Variants in ELMO2 observed in about 807,000 individuals in gnomAD.
ELMO2 encodes the protein engulfment and cell motility 2.
In ELMO2, 37 loss-of-function variants were observed where a neutral mutation model predicts 96.2. That is an observed-to-expected ratio of 0.38 (90% CI 0.30 to 0.51). The LOEUF is 0.51. ELMO2 is among the 20% of genes least tolerant of loss of function. The probability of loss-of-function intolerance (pLI) is 0.88; values close to 1 mark genes in which losing one functional copy is unlikely to be tolerated. For synonymous variants in ELMO2, 315 were observed against 329.4 expected (o/e 0.96, Z 0.47); for missense variants, 561 against 912.6 (o/e 0.61, Z 4.96).
At chr20:46,392,570 G>T (rs1242188023) in intron 6 of ELMO2, among the ~76,000 whole-genome samples, 3 of 152,076 alleles carry the variant, frequency 2.0e-5, no homozygotes, top group Non-Finnish European at 2.9e-5. Context: ...TTTCCTTCTG[G>T]ACAGAGTTGA....
At chr20:46,369,961 GGTGTGTGTGTGTGTGTGTGTGTGTGT>G (rs200632114) in intron 20 of ELMO2, 159 of 50,258 alleles carry the variant, frequency 3.2e-3, no homozygotes, top group African/African-American at 9.0e-3. Flanking sequence ...TGGGTATGGG[GGTGTGTGTGTGTGTGTGTGTGTGTGT>G]GTGTGTGTGT....
At chr20:46,379,750 T>C (rs890488910) in intron 11 of ELMO2, among the ~76,000 whole-genome samples, 10 of 152,150 alleles carry the variant, frequency 6.6e-5, no homozygotes. Flanking sequence ...GAAACACTCT[T>C]CTTCAAGGCA....
chr20:46,387,484 G>T (rs751918613), intron 7 of ELMO2, 47 bp from the exon 8 acceptor site: 2 of 1,505,852 alleles, frequency 1.3e-6, no homozygotes, highest in African/African-American at 2.7e-5. Context: ...GATTCAGATC[G>T]GGAAACACAG....
At chr20:46,388,018 A>G (rs1258123974) in intron 7 of ELMO2, among the ~76,000 whole-genome samples, 1 of 152,254 alleles carries the variant, frequency 6.6e-6, no homozygotes. Context: ...AAGGATTAAA[A>G]TGTTTTCTCT....
intron 3 of ELMO2, 69 bp from the exon 4 acceptor site, chr20:46,394,158 G>C: frequency 1.4e-6 from 2 of 1,429,156 alleles, no homozygotes; most frequent in Non-Finnish European, 9.8e-7. Flanking sequence ...CTGACAAGAG[G>C]CCTGCCAAGC....
At chr20:46,387,262 T>C (rs1227705929) in intron 8 of ELMO2, 76 bp downstream of exon 8, 22 of 1,273,516 alleles carry the variant, frequency 1.7e-5, no homozygotes, top group Non-Finnish European at 2.4e-5. Flanking sequence ...AATGGCGATA[T>C]TGCCTGTATC....
intron 1 of ELMO2, among the ~76,000 whole-genome samples, chr20:46,406,155 G>A (rs2060437456): frequency 6.6e-6 from 1 of 152,146 alleles, no homozygotes; most frequent in Non-Finnish European, 1.5e-5. Flanking sequence ...ACTCGTGCGG[G>A]CCCGCCCCGA....
chr20:46,371,007 G>A lies in ELMO2; in HGVS notation c.1801+345C>T, dbSNP rs934174178. Among the ~76,000 whole-genome samples, 3 of 152,222 alleles carry A rather than the reference G, an allele frequency of 2.0e-5. No individual in the cohort carries two copies. Among genetic ancestry groups the A allele is most frequent in the African/African-American group, 4.8e-5 (2 of 41,448 alleles). ...TTACAGGAGAAGAAACCAAGGCAGA[G>A]GGGAGAACTTGCAATTAATTAGAAT... On this transcript the variant is annotated intron_variant, in intron 19 of 21. Transcript: ENST00000290246. The surrounding 1 kb of genome is among the most constrained non-coding windows in gnomAD (Gnocchi z 5.9).
intron 8 of ELMO2, among the ~76,000 whole-genome samples, chr20:46,386,984 A>G (rs2060056174): frequency 6.6e-6 from 1 of 152,186 alleles, no homozygotes; most frequent in Non-Finnish European, 1.5e-5. Context: ...ATGAAATGCA[A>G]ATTTTTTTTA....
Position 46,390,459 on chromosome 20 carries a change from A to G in ELMO2, c.244-1239T>C, listed in dbSNP as rs1186948369. ...AACTTTAAGAACATCAAGGAGCCAG[A>G]AACAATTTCCCAATTGTTTTTTGAA... On this transcript the variant is annotated intron_variant, in intron 6 of 21. Transcript: ENST00000290246. Among the ~76,000 whole-genome samples, 5 of 152,336 alleles carry G rather than the reference A, an allele frequency of 3.3e-5. No homozygotes were observed. The East Asian group carries it at 9.7e-4, about 29-fold the overall frequency.
chr20:46,393,688 G>A lies in ELMO2; in HGVS notation c.120-87C>T, dbSNP rs534746148. On this transcript the variant is annotated intron_variant, in intron 4 of 21. Coordinates refer to ENST00000290246, the MANE Select transcript of ELMO2 (RefSeq NM_133171.5). ...AGTAATTTTCAAAAGAGTTGCTCAA[G>A]GGATTGGGTGGCCTATTTGGAATAC... The A allele has an allele frequency of 3.6e-5, 51 of 1,405,226 alleles. No homozygotes were observed. In the East Asian group the frequency reaches 1.1e-3, roughly 31 times the overall value. 87.0% of individuals were successfully genotyped at this position (1,405,226 alleles called of 1,614,324 possible). A position where few individuals can be genotyped will look rare whatever the true frequency, so the allele number is the denominator to read the frequency against.
At chr20:46,390,254 G>A (rs568442696) in intron 6 of ELMO2, among the ~76,000 whole-genome samples, 174 of 152,312 alleles carry the variant, frequency 1.1e-3, no homozygotes, top group Admixed American at 2.9e-3. Context: ...AGCAATCAAG[G>A]AGAATCTGGA....
intron 9 of ELMO2, 94 bp downstream of exon 9, chr20:46,386,030 A>T: frequency 7.1e-7 from 1 of 1,404,112 alleles, no homozygotes; most frequent in Non-Finnish European, 9.7e-7. Context: ...AGCTTGGAAT[A>T]TAAGCAAAGG....
intron 7 of ELMO2, chr20:46,387,648 AAAAAAT>A (rs2060072342): frequency 3.9e-5 from 9 of 233,620 alleles, no homozygotes; most frequent in Admixed American, 1.1e-4. Flanking sequence ...AAAAAAAAAA[AAAAAAT>A]GTTGCTGGGT....
At position 46,369,117 on chromosome 20, in the gene ELMO2, G is replaced by A. The variant is rs41307161; in HGVS notation, c.1885-149C>T. 0.12 allele frequency: 85,261 copies of A among 682,582 alleles called. 6,055 individuals carry two copies. Among genetic ancestry groups the A allele is most frequent in the Middle Eastern group, 0.17 (397 of 2,398 alleles). 42.3% of individuals were successfully genotyped at this position (682,582 alleles called of 1,614,324 possible). A position where few individuals can be genotyped will look rare whatever the true frequency, so the allele number is the denominator to read the frequency against. On this transcript the variant is annotated intron_variant, in intron 20 of 21. Transcript: ENST00000290246. ...AATGCTCCTAGGCGGCCACAAGTGTGGCTGGAGATGAGGCCCAGCATAAAT... is the reference window on the plus strand; with the variant it reads ...AATGCTCCTAGGCGGCCACAAGTGTAGCTGGAGATGAGGCCCAGCATAAAT...
chr20:46,369,959 GGGGTGTGTGTGTGT>G (rs1488775053), intron 20 of ELMO2: 2,750 of 251,010 alleles, frequency 0.011, 67 homozygotes, highest in African/African-American at 0.064. Flanking sequence ...GATGGGTATG[GGGGTGTGTGTGTGT>G]GTGTGTGTGT....
chr20:46,385,689 G>A (rs1180371949), intron 9 of ELMO2, among the ~76,000 whole-genome samples: 1 of 152,168 alleles, frequency 6.6e-6, no homozygotes, highest in African/African-American at 2.4e-5. Flanking sequence ...AGCACTAATT[G>A]AGCCTCTACT....
intron 10 of ELMO2, chr20:46,382,267 A>G (rs2059970503): frequency 1.6e-6 from 2 of 1,289,726 alleles, no homozygotes; most frequent in Non-Finnish European, 2.0e-6. Context: ...AAAAGCACAG[A>G]GAGAAGCAGA....
intron 2 of ELMO2, among the ~76,000 whole-genome samples, chr20:46,397,189 T>A (rs2060258621): frequency 6.6e-6 from 1 of 152,178 alleles, no homozygotes; most frequent in East Asian, 1.9e-4. Flanking sequence ...AGCATGGAGA[T>A]TTGCAACCAC....
Sources: gnomAD v4.1 joint callset for allele counts (sites outside exome capture counted in the v4.1 genomes callset) on GRCh38, gnomAD v4.1.1 for gene constraint, Gnocchi (gnomAD v3.1) non-coding constraint, MANE v1.5 for transcripts, NCBI Gene and HGNC (gene_info 2026-07-23, HGNC 2026-07-21) for gene names.